The following CADM2 variants were observed in gnomAD, a reference collection of about 807,000 sequenced individuals.
CADM2 encodes the protein cell adhesion molecule 2.
CADM2 carries 12 observed loss-of-function variants against 49.8 expected under a neutral mutation model. The ratio of observed to expected loss-of-function variants is 0.24; its 90% CI spans 0.15 to 0.39. The LOEUF is 0.39. Ranked by LOEUF, CADM2 falls within the 10% of genes least tolerant of loss-of-function variation. The pLI, the probability that CADM2 is intolerant of heterozygous loss-of-function variation, is 1.00. For missense variants in CADM2, 378 were observed against 492.3 expected, an observed-to-expected ratio of 0.77 and a Z score of 2.20; for synonymous variants, 214 against 175.4, an observed-to-expected ratio of 1.22 and a Z score of -1.74.
intron 1 of CADM2, among the ~76,000 whole-genome samples, chr3:85,664,231 G>A (rs2065495993): frequency 6.6e-6 from 1 of 151,738 alleles, no homozygotes; most frequent in African/African-American, 2.4e-5. Flanking sequence ...CCATGACCCC[G>A]TGATTTTCAA....
At chr3:85,392,326 T>C (rs1165485585) in intron 1 of CADM2, among the ~76,000 whole-genome samples, 2 of 152,092 alleles carry the variant, frequency 1.3e-5, no homozygotes, top group Non-Finnish European at 2.9e-5. Flanking sequence ...GGCTTTTCTA[T>C]CAATGCAGCC....
intron 1 of CADM2, among the ~76,000 whole-genome samples, chr3:85,438,591 A>G (rs528429444): frequency 2.1e-4 from 32 of 152,214 alleles, no homozygotes; most frequent in South Asian, 4.1e-4. Flanking sequence ...TTTAGGGTAA[A>G]TGTTTTATTT....
At chr3:85,784,681 T>A (rs1339694272) in intron 2 of CADM2, among the ~76,000 whole-genome samples, 1 of 152,132 alleles carries the variant, frequency 6.6e-6, no homozygotes, top group Non-Finnish European at 1.5e-5. Context: ...TCATAACTTA[T>A]TTAGTTCTAA....
At chr3:84,961,327 A>ACTGATCTCT (rs1361632852) in intron 1 of CADM2, among the ~76,000 whole-genome samples, 1 of 152,196 alleles carries the variant, frequency 6.6e-6, no homozygotes, top group Non-Finnish European at 1.5e-5. Flanking sequence ...TGAATTAACT[A>ACTGATCTCT]ACTGACCTTG....
chr3:85,407,374 A>C (rs1300729100), intron 1 of CADM2, among the ~76,000 whole-genome samples: 1 of 151,820 alleles, frequency 6.6e-6, no homozygotes, highest in East Asian at 1.9e-4. Context: ...CCCATACCCT[A>C]TTTACCTTGG....
chr3:85,754,602 CTTTG>C (rs1327987324), intron 2 of CADM2, among the ~76,000 whole-genome samples: 2 of 152,186 alleles, frequency 1.3e-5, no homozygotes, highest in Non-Finnish European at 2.9e-5. Context: ...TGGGTCTGCA[CTTTG>C]TTTGATTTGC....
intron 1 of CADM2, among the ~76,000 whole-genome samples, chr3:85,129,015 A>G (rs1254765424): frequency 2.0e-5 from 3 of 152,014 alleles, no homozygotes; most frequent in Non-Finnish European, 4.4e-5. Context: ...AGTCCAAATC[A>G]TGTTTTCTTT....
intron 1 of CADM2, among the ~76,000 whole-genome samples, chr3:85,582,401 TA>T (rs1396908225): frequency 6.6e-6 from 1 of 152,210 alleles, no homozygotes; most frequent in Non-Finnish European, 1.5e-5. Flanking sequence ...ATCTGCTTGT[TA>T]AACGAGATTT....
chr3:85,712,734 CTT>C (rs11350369), intron 1 of CADM2, among the ~76,000 whole-genome samples: 4 of 150,916 alleles, frequency 2.7e-5, no homozygotes, highest in Non-Finnish European at 4.4e-5. Context: ...TCATGTTAAG[CTT>C]TTTTTTTTCC....
chr3:85,346,534 T>C (rs751652426), intron 1 of CADM2, among the ~76,000 whole-genome samples: 4 of 152,176 alleles, frequency 2.6e-5, no homozygotes, highest in African/African-American at 4.8e-5. Context: ...ATACTGAGAA[T>C]TTCCACAAAA....
chr3:86,062,176 C>G (rs936696061), intron 8 of CADM2, among the ~76,000 whole-genome samples: 1 of 152,038 alleles, frequency 6.6e-6, no homozygotes, highest in East Asian at 1.9e-4. Context: ...CCCAGTTCTG[C>G]AAGATATTCA....
chr3:85,898,955 A>ATACATATTT (rs1475991339), intron 5 of CADM2, among the ~76,000 whole-genome samples: 1 of 33,908 alleles, frequency 2.9e-5, no homozygotes, highest in African/African-American at 1.5e-4. Context: ...ATATATATAT[A>ATACATATTT]TTTTTTTTTT....
chr3:85,160,795 C>T (rs1452056140), intron 1 of CADM2, among the ~76,000 whole-genome samples: 2 of 152,086 alleles, frequency 1.3e-5, no homozygotes, highest in Non-Finnish European at 2.9e-5. Flanking sequence ...ACTATATAAC[C>T]AACAAAGGAA....
chr3:85,785,248 A>T (rs1020166870), intron 2 of CADM2, among the ~76,000 whole-genome samples: 8 of 151,724 alleles, frequency 5.3e-5, no homozygotes, highest in African/African-American at 1.9e-4. Flanking sequence ...TTCATCTTTT[A>T]TATTTTTTAG....
intron 1 of CADM2, among the ~76,000 whole-genome samples, chr3:85,278,386 A>T (rs1295185588): frequency 6.6e-6 from 1 of 151,330 alleles, no homozygotes; most frequent in Non-Finnish European, 1.5e-5. Context: ...CTCTAATTTT[A>T]TTCTGAAGTA....
At chr3:86,047,207 C>T (rs1030468055) in intron 8 of CADM2, among the ~76,000 whole-genome samples, 3 of 152,134 alleles carry the variant, frequency 2.0e-5, no homozygotes, top group Non-Finnish European at 4.4e-5. Context: ...TTCTCACAAA[C>T]TCCCATTGGG....
At chr3:85,232,575 TAAG>T (rs935018488) in intron 1 of CADM2, among the ~76,000 whole-genome samples, 3 of 151,854 alleles carry the variant, frequency 2.0e-5, no homozygotes, top group African/African-American at 7.3e-5. Context: ...AATGTAACAA[TAAG>T]AAGACAAACA....
At chr3:85,903,273 C>T (rs1300046201) in intron 5 of CADM2, among the ~76,000 whole-genome samples, 1 of 151,644 alleles carries the variant, frequency 6.6e-6, no homozygotes. Context: ...GCCATTTTAA[C>T]CTCTTTTTAA....
intron 1 of CADM2, among the ~76,000 whole-genome samples, chr3:85,570,492 T>TA (rs2062443460): frequency 6.6e-6 from 1 of 152,176 alleles, no homozygotes; most frequent in Admixed American, 6.5e-5. Flanking sequence ...CTTTCAGTCA[T>TA]ATAGACATAA....
Sources: gnomAD v4.1 joint callset for allele counts (sites outside exome capture counted in the v4.1 genomes callset) on GRCh38, gnomAD v4.1.1 for gene constraint, MANE v1.5 for transcripts, NCBI Gene and HGNC (gene_info 2026-07-23, HGNC 2026-07-21) for gene names.